Variants in STK24 observed in about 807,000 individuals in gnomAD.
STK24 encodes the protein serine/threonine kinase 24, also known as serine/threonine-protein kinase 24.
In STK24, 21 loss-of-function variants were observed where a neutral mutation model predicts 55.6. The observed-to-expected ratio is 0.38, with a 90% CI of 0.27 to 0.54. The LOEUF (loss-of-function observed/expected upper bound fraction) is 0.54, where lower values mean the gene tolerates loss of function less well. Among genes scored for constraint, STK24 ranks in the 20% least tolerant of loss-of-function variants. The pLI is 0.79. For synonymous variants in STK24, 200 were observed against 215.2 expected (o/e 0.93, Z 0.62); for missense variants, 383 against 538.4 (o/e 0.71, Z 2.86).
intron 2 of STK24, among the ~76,000 whole-genome samples, chr13:98,514,266 C>T (rs1294979598): frequency 6.6e-6 from 1 of 152,230 alleles, no homozygotes. Flanking sequence ...CATGGAGACG[C>T]TGGCCACTTC....
chr13:98,554,741 G>A (rs749826244), intron 1 of STK24, among the ~76,000 whole-genome samples: 19 of 152,174 alleles, frequency 1.2e-4, no homozygotes, highest in Non-Finnish European at 2.4e-4. Context: ...TAGGCCAGGC[G>A]CGGTGGCTCA....
intron 5 of STK24, 53 bp from the exon 6 acceptor site, chr13:98,466,614 C>T: frequency 6.3e-7 from 1 of 1,584,778 alleles, no homozygotes; most frequent in Non-Finnish European, 8.6e-7. Flanking sequence ...TATTCCAATA[C>T]ACAGTATTTA....
At chr13:98,565,230 C>A (rs1897534223) in intron 1 of STK24, among the ~76,000 whole-genome samples, 1 of 152,138 alleles carries the variant, frequency 6.6e-6, no homozygotes, top group Non-Finnish European at 1.5e-5. Flanking sequence ...GCTCAGAACA[C>A]AAACTCCCTC....
intron 5 of STK24, among the ~76,000 whole-genome samples, chr13:98,468,646 A>C (rs1488187102): frequency 6.6e-6 from 1 of 152,248 alleles, no homozygotes; most frequent in Non-Finnish European, 1.5e-5. Context: ...CAGGCCTCTC[A>C]GATTTCATTA....
At chr13:98,552,228 C>T (rs1263503645) in intron 1 of STK24, among the ~76,000 whole-genome samples, 2 of 152,150 alleles carry the variant, frequency 1.3e-5, no homozygotes, top group African/African-American at 4.8e-5. Flanking sequence ...ATCTTTACAT[C>T]AGTAGGGAGA....
chr13:98,506,909 G>T (rs1895700254), intron 2 of STK24, among the ~76,000 whole-genome samples: 1 of 152,234 alleles, frequency 6.6e-6, no homozygotes, highest in African/African-American at 2.4e-5. Context: ...CGGTGACCCT[G>T]GGCCAGGAGC....
Position 98,576,952 on chromosome 13 carries a change from G to T in STK24, c.-166C>A, listed in dbSNP as rs1897918704. 4 of 206,986 alleles carry T rather than the reference G, an allele frequency of 1.9e-5. No homozygotes were observed. The highest frequency in any genetic ancestry group is 2.5e-5 in the Non-Finnish European group (3 of 121,424). The allele number at this position is 206,986 out of a possible 1,614,324, so 12.8% of individuals were successfully genotyped here. A position where few individuals can be genotyped will look rare whatever the true frequency, so the allele number is the denominator to read the frequency against. On this transcript the variant is annotated 5_prime_UTR_variant, in exon 1 of 11. Transcript: ENST00000539966. ...CCGGCCGGGCGGCGGGGGCTCAGCG[G>T]CGGGTGGCGGGCCGCGTCTCCATGC...
chr13:98,521,045 G>C (rs1896243053), intron 1 of STK24, among the ~76,000 whole-genome samples: 1 of 152,216 alleles, frequency 6.6e-6, no homozygotes, highest in African/African-American at 2.4e-5. Context: ...GGACAGGCCA[G>C]AGGCCAGACA....
intron 2 of STK24, 51 bp downstream of exon 2, chr13:98,519,192 C>T: frequency 6.8e-7 from 1 of 1,466,944 alleles, no homozygotes; most frequent in Non-Finnish European, 9.5e-7. Flanking sequence ...TCCCTGCTGG[C>T]ACCTCAGCCA....
chr13:98,551,271 G>C (rs1488695755), intron 1 of STK24, among the ~76,000 whole-genome samples: 3 of 148,500 alleles, frequency 2.0e-5, no homozygotes, highest in Non-Finnish European at 1.5e-5. Context: ...GGGCGACAGA[G>C]TGAGACTCTG....
At chr13:98,501,380 G>A (rs1281090430) in intron 2 of STK24, among the ~76,000 whole-genome samples, 2 of 152,220 alleles carry the variant, frequency 1.3e-5, no homozygotes, top group Admixed American at 6.5e-5. Flanking sequence ...CGGGGGCCAG[G>A]AGGGCAGGGG....
At chr13:98,453,307 T>A in intron 10 of STK24, 98 bp from the exon 11 acceptor site, 1 of 1,273,082 alleles carries the variant, frequency 7.9e-7, no homozygotes, top group Non-Finnish European at 1.1e-6. Flanking sequence ...CATAAGAAAT[T>A]CCAAGTCATA....
chr13:98,487,824 A>G (rs879734433), intron 2 of STK24, among the ~76,000 whole-genome samples: 1 of 152,144 alleles, frequency 6.6e-6, no homozygotes, highest in Non-Finnish European at 1.5e-5. Flanking sequence ...CTGGAAGCAG[A>G]CCTGCTGGGT....
At chr13:98,492,076 CGTGTGTGTGTGTGTGTGTGT>C (rs56956881) in intron 2 of STK24, among the ~76,000 whole-genome samples, 16 of 149,636 alleles carry the variant, frequency 1.1e-4, no homozygotes, top group South Asian at 4.2e-4. Flanking sequence ...AGTGCGTGCG[CGTGTGTGTGTGTGTGTGTGT>C]GTGTGTGTGT....
chr13:98,550,327 C>T (rs9513443), intron 1 of STK24, among the ~76,000 whole-genome samples: 17,025 of 152,070 alleles, frequency 0.11, 1,021 homozygotes, highest in South Asian at 0.15. Flanking sequence ...TCGCGTGAGC[C>T]CAGGAGTTTG....
chr13:98,473,643 T>G (rs1894247470), intron 5 of STK24, among the ~76,000 whole-genome samples: 1 of 152,154 alleles, frequency 6.6e-6, no homozygotes, highest in South Asian at 2.1e-4. Context: ...CAGCCAGGTC[T>G]GCTGTGTGGG....
intron 1 of STK24, among the ~76,000 whole-genome samples, chr13:98,560,461 T>A (rs1247001066): frequency 6.6e-6 from 1 of 152,154 alleles, no homozygotes; most frequent in Non-Finnish European, 1.5e-5. Flanking sequence ...ATCCTGCAAA[T>A]CTCCTTCTCA....
In STK24 at chr13:98,572,985, T is replaced by C. The variant is rs764854448; in HGVS notation, c.42+3760A>G. Among the ~76,000 whole-genome samples, 60 of 152,300 alleles carry C rather than the reference T, an allele frequency of 3.9e-4. 2 individuals carry two copies. Among genetic ancestry groups the C allele is most frequent in the Non-Finnish European group, 2.5e-4 (17 of 68,020 alleles). On this transcript the variant is annotated intron_variant, in intron 1 of 10. Coordinates refer to ENST00000539966, the MANE Select transcript of STK24 (RefSeq NM_001032296.4). ...CAGGCTGAGCATCCCTGATCCAAAATGCTCCAAAATATGAAACTTTTCAGC... is the reference window on the plus strand; with the variant it reads ...CAGGCTGAGCATCCCTGATCCAAAACGCTCCAAAATATGAAACTTTTCAGC...
chr13:98,460,608 C>T (rs1320541393), intron 8 of STK24, among the ~76,000 whole-genome samples, 168 bp from the exon 9 acceptor site: 1 of 152,196 alleles, frequency 6.6e-6, no homozygotes, highest in Non-Finnish European at 1.5e-5. Flanking sequence ...TATCGGCTGC[C>T]TCTCACTAGA....
Sources: allele counts gnomAD v4.1 joint callset (sites outside exome capture counted in the v4.1 genomes callset), GRCh38; gene constraint gnomAD v4.1.1; transcripts MANE v1.5; gene names NCBI Gene and HGNC (gene_info 2026-07-23, HGNC 2026-07-21).